The following ASXL3 variants were observed in gnomAD, a reference collection of about 807,000 sequenced individuals.
ASXL3 encodes ASXL transcriptional regulator 3, also known as putative Polycomb group protein ASXL3.
In ASXL3, 34 loss-of-function variants were observed where a neutral mutation model predicts 170.6. That is an observed-to-expected ratio of 0.20 (90% CI 0.15 to 0.27). The LOEUF (loss-of-function observed/expected upper bound fraction) is 0.27. Ranked by LOEUF, ASXL3 falls within the 10% of genes least tolerant of loss-of-function variation. ASXL3 has a pLI of 1.00. For synonymous variants in ASXL3, 1,002 were observed against 989.1 expected (o/e 1.01, Z -0.24); for missense variants, 2,592 against 2,695.3 (o/e 0.96, Z 0.85).
At chr18:33,667,745 T>G (rs2145247218) in intron 5 of ASXL3, among the ~76,000 whole-genome samples, 1 of 152,320 alleles carries the variant, frequency 6.6e-6, no homozygotes, top group East Asian at 1.9e-4. Flanking sequence ...CATAATTTTC[T>G]TAGCACTTAT....
chr18:33,627,643 C>T (rs963927515), intron 2 of ASXL3, among the ~76,000 whole-genome samples: 2 of 151,986 alleles, frequency 1.3e-5, no homozygotes, highest in Non-Finnish European at 2.9e-5. Context: ...TGATTTTTCC[C>T]GGTGACTGTT....
chr18:33,629,435 A>T (rs2065645820), intron 2 of ASXL3, among the ~76,000 whole-genome samples: 1 of 152,094 alleles, frequency 6.6e-6, no homozygotes, highest in South Asian at 2.1e-4. Context: ...AGATTGAAAA[A>T]TGAAGGGAAA....
chr18:33,745,839 A>G lies in ASXL3; in HGVS notation c.5991A>G (p.Lys1997=), dbSNP rs75411012. 1,974 of 1,613,874 alleles carry G rather than the reference A, an allele frequency of 1.2e-3. 12 individuals are homozygous for G. The African/African-American group carries it at 0.024, about 19-fold the overall frequency. ...ANMLSPNMPM[K]EGDEVGGTAH... is the part of the protein sequence containing the mutation. ...TGTTATCCCCCAATATGCCCATGAA[A>G]GAAGGTGATGAGGTGGGAGGCACTG... The change falls in exon 12 of 12, where the codon AAA becomes AAG. Residue 1997 remains lysine, a synonymous_variant. Coordinates refer to ENST00000269197, the MANE Select transcript of ASXL3 (RefSeq NM_030632.3).
intron 8 of ASXL3, among the ~76,000 whole-genome samples, chr18:33,708,979 A>G (rs930989999): frequency 2.0e-5 from 3 of 152,222 alleles, no homozygotes; most frequent in Non-Finnish European, 4.4e-5. Flanking sequence ...GAAAACATAC[A>G]TGAGGTAGCT....
rs1263739660 is a variant in ASXL3 at position 33,747,856 on chromosome 18, A to G, written c.*1261A>G. On this transcript the variant is annotated 3_prime_UTR_variant, in exon 12 of 12. Transcript: ENST00000269197. ...AAAGGGATACTGCATCTTAACAGTTATCTTCAGTGTGCATCCAGTAAAGTC... is the reference window on the plus strand; with the variant it reads ...AAAGGGATACTGCATCTTAACAGTTGTCTTCAGTGTGCATCCAGTAAAGTC... 6.6e-6 allele frequency: 1 copy of G among 152,198 alleles called. No homozygotes were observed. Among genetic ancestry groups the G allele is most frequent in the African/African-American group, 2.4e-5 (1 of 41,462 alleles). The allele number at this position is 152,198 out of a possible 1,614,324, so 9.4% of individuals were successfully genotyped here.
chr18:33,631,642 A>G (rs898904385), intron 2 of ASXL3, among the ~76,000 whole-genome samples: 5 of 152,102 alleles, frequency 3.3e-5, no homozygotes, highest in Non-Finnish European at 7.4e-5. Flanking sequence ...GACAATTTAA[A>G]TGTTCGCTGC....
chr18:33,665,018 GT>G (rs2066234851), intron 5 of ASXL3, among the ~76,000 whole-genome samples: 1 of 152,044 alleles, frequency 6.6e-6, no homozygotes. Context: ...TTATTACCTT[GT>G]TCCCTGTCTT....
intron 2 of ASXL3, among the ~76,000 whole-genome samples, chr18:33,637,460 A>G (rs117412567): frequency 0.034 from 5,134 of 152,234 alleles, 128 homozygotes; most frequent in Non-Finnish European, 0.047. Flanking sequence ...CACTTGGGAC[A>G]GATATCCCAC....
intron 3 of ASXL3, 63 bp from the exon 4 acceptor site, chr18:33,646,182 T>G: frequency 1.6e-6 from 2 of 1,262,864 alleles, no homozygotes; most frequent in Non-Finnish European, 2.3e-6. Context: ...CTGCAAGTAT[T>G]TTGAATGTTT....
At position 33,739,551 on chromosome 18, in the gene ASXL3, C is replaced by T; in HGVS notation, c.2147C>T (p.Thr716Ile). ...PVSNLPLTSE[T>I]SPMSDLPLTS... ...TCCAACTTACCTTTAACATCAGAAA[C>T]CTCACCGATGTCTGACTTACCTTTA... The change falls in exon 11 of 12, where the codon ACC (threonine) becomes ATC (isoleucine). Residue 716 changes from threonine (T) to isoleucine (I), a missense_variant. Transcript: ENST00000269197. 1 of 1,613,964 alleles carries T rather than the reference C, an allele frequency of 6.2e-7. No individual in the cohort carries two copies. Among genetic ancestry groups the T allele is most frequent in the Non-Finnish European group, 8.5e-7 (1 of 1,179,864 alleles).
chr18:33,746,274 GC>G lies in ASXL3; in HGVS notation c.6427del (p.Gln2143ArgfsTer69). ...TTACCCAATTAGCTGCTCAGAAAAT[GC>G]AGGTGCAGCAACAACAGCAGCTCTG... is the stretch of plus-strand genomic sequence containing the variant. Reference protein sequence around the residue: ...PFTQLAAQKMQVQQQQQLCGN... With the variant: ...PFTQLAAQKMXVQQQQQLCGN... On this transcript the variant is annotated frameshift_variant, in exon 12 of 12. Transcript: ENST00000269197. LOFTEE classifies it high-confidence loss of function. The G allele has an allele frequency of 6.2e-7, 1 of 1,614,022 alleles. No individual in the cohort carries two copies. Among genetic ancestry groups the G allele is most frequent in the Non-Finnish European group, 8.5e-7 (1 of 1,179,904 alleles).
In ASXL3 at chr18:33,717,212, C is replaced by A. The variant is rs556767350; in HGVS notation, c.880-14756C>A. Among the ~76,000 whole-genome samples, 29 of 152,164 alleles carry A rather than the reference C, an allele frequency of 1.9e-4. 1 individual carries two copies. In the South Asian group the frequency reaches 4.6e-3, roughly 24 times the overall value. On this transcript the variant is annotated intron_variant, in intron 8 of 11. Transcript: ENST00000269197. ...AATAGTGACAGTAGAGGTCGGGTGA[C>A]CAGCCAGCACTAGAGCAACAAAACA... is the stretch of plus-strand genomic sequence containing the variant.
chr18:33,607,774 G>A, intron 2 of ASXL3, 98 bp downstream of exon 2: 1 of 896,510 alleles, frequency 1.1e-6, no homozygotes, highest in African/African-American at 1.7e-5. Flanking sequence ...TATTGTAGTT[G>A]ATTGTGAATT....
chr18:33,587,155 C>A (rs979380610), intron 1 of ASXL3, among the ~76,000 whole-genome samples: 2 of 152,150 alleles, frequency 1.3e-5, no homozygotes, highest in African/African-American at 4.8e-5. Context: ...CAAAAGTACC[C>A]CAGGCCGTAA....
chr18:33,680,007 A>G (rs900918393), intron 7 of ASXL3, among the ~76,000 whole-genome samples: 1 of 151,478 alleles, frequency 6.6e-6, no homozygotes, highest in African/African-American at 2.4e-5. Context: ...TTTTCTTCTC[A>G]TCTTTCCTTC....
chr18:33,740,296 A>G lies in ASXL3; in HGVS notation c.2892A>G (p.Arg964=). ...GTAGAGATTCAGAGATATCAAAGAGAAAAACTGCAGAGCAACACAGCTTTG... is the reference window on the plus strand; with the variant it reads ...GTAGAGATTCAGAGATATCAAAGAGGAAAACTGCAGAGCAACACAGCTTTG... The part of the protein sequence containing the change: ...NESRDSEISK[R]KTAEQHSFGI... The change falls in exon 11 of 12, where the codon AGA becomes AGG. Residue 964 remains arginine (R), a synonymous_variant. Transcript: ENST00000269197. 1 of 1,612,398 alleles carries G rather than the reference A, an allele frequency of 6.2e-7. No homozygotes were observed. The highest frequency in any genetic ancestry group is 8.5e-7 in the Non-Finnish European group (1 of 1,179,066).
intron 8 of ASXL3, among the ~76,000 whole-genome samples, chr18:33,707,213 A>T (rs1000857500): frequency 6.6e-6 from 1 of 151,892 alleles, no homozygotes; most frequent in African/African-American, 2.4e-5. Context: ...AGCCCTTTGT[A>T]TTTTCATAGA....
rs533404787 is a variant in ASXL3 at position 33,745,740 on chromosome 18, C to A, written c.5892C>A (p.Asn1964Lys). The change falls in exon 12 of 12, where the codon AAC (asparagine) becomes AAA (lysine). Residue 1964 changes from asparagine to lysine, a missense_variant. Physicochemically the swap from Asn to Lys is moderately conservative, Grantham distance 94. This residue lies in a region of ASXL3 where 2,246 missense variants were observed against 2,219.6 expected (regional missense o/e 1.01). Transcript: ENST00000269197. ...TGGGGTGTAATGCATTTGCCTTCAA[C>A]AGGCATCTTGAACAGAAGGGATTGG... Reference protein sequence around the residue: ...TPVGCNAFAFNRHLEQKGLGE... With the variant: ...TPVGCNAFAFKRHLEQKGLGE... 1 of 1,613,972 alleles carries A rather than the reference C, an allele frequency of 6.2e-7. No homozygotes were observed. The highest frequency in any genetic ancestry group is 1.3e-5 in the African/African-American group (1 of 75,046).
At chr18:33,645,416 T>C (rs887556303) in intron 3 of ASXL3, among the ~76,000 whole-genome samples, 1 of 151,910 alleles carries the variant, frequency 6.6e-6, no homozygotes, top group Non-Finnish European at 1.5e-5. Flanking sequence ...TCATTCTGCT[T>C]GAAAACATTG....
Sources: gnomAD v4.1 joint callset for allele counts (sites outside exome capture counted in the v4.1 genomes callset) on GRCh38, gnomAD v4.1.1 for gene constraint, gnomAD v4.1.1 regional missense constraint, MANE v1.5 for transcripts, NCBI Gene and HGNC (gene_info 2026-07-23, HGNC 2026-07-21) for gene names.